NKAIN2: variants seen among roughly 807,000 people sequenced by gnomAD.
NKAIN2 encodes sodium/potassium-transporting ATPase subunit beta-1-interacting protein 2.
In NKAIN2, 14 loss-of-function variants were observed where a neutral mutation model predicts 32.6. The ratio of observed to expected loss-of-function variants is 0.43; its 90% CI spans 0.28 to 0.67. NKAIN2 has a LOEUF of 0.67. Among genes scored for constraint, NKAIN2 ranks in the 30% least tolerant of loss-of-function variants. The pLI, the probability that NKAIN2 is intolerant of heterozygous loss-of-function variation, is 0.17. For synonymous variants in NKAIN2, 80 were observed against 87.2 expected, an observed-to-expected ratio of 0.92 and a Z score of 0.46; for missense variants, 198 against 258.3, an observed-to-expected ratio of 0.77 and a Z score of 1.60.
At chr6:124,240,830 G>A (rs1381757112) in intron 1 of NKAIN2, among the ~76,000 whole-genome samples, 1 of 152,112 alleles carries the variant, frequency 6.6e-6, no homozygotes, top group Non-Finnish European at 1.5e-5. Flanking sequence ...ATGAAAACCA[G>A]CACAAGACAG....
chr6:124,303,025 G>A (rs1352774507), intron 2 of NKAIN2, among the ~76,000 whole-genome samples: 1 of 152,188 alleles, frequency 6.6e-6, no homozygotes, highest in Admixed American at 6.5e-5. Flanking sequence ...TGTGAAGCAG[G>A]CATCTTTGGT....
intron 3 of NKAIN2, among the ~76,000 whole-genome samples, chr6:124,655,429 TATAA>T (rs1194372753): frequency 2.6e-5 from 4 of 152,148 alleles, no homozygotes; most frequent in Non-Finnish European, 5.9e-5. Flanking sequence ...GTAGTTAGGA[TATAA>T]ATAATTAGTA....
At chr6:124,448,953 C>G (rs926098181) in intron 3 of NKAIN2, among the ~76,000 whole-genome samples, 1 of 152,038 alleles carries the variant, frequency 6.6e-6, no homozygotes, top group South Asian at 2.1e-4. Context: ...TGTACGAAAC[C>G]ACTTTTAAGG....
chr6:124,286,642 TTGTGTGTGTGTGTG>T (rs56396833), intron 2 of NKAIN2, among the ~76,000 whole-genome samples: 9,277 of 144,552 alleles, frequency 0.064, 685 homozygotes, highest in African/African-American at 0.19. Context: ...GTTTGGAAAA[TTGTGTGTGTGTGTG>T]TGTGTGTGTG....
chr6:124,369,218 T>G (rs1041148482), intron 3 of NKAIN2, among the ~76,000 whole-genome samples: 2 of 152,204 alleles, frequency 1.3e-5, no homozygotes, highest in African/African-American at 4.8e-5. Context: ...ATAGTAATTT[T>G]TATTCTGTCC....
intron 1 of NKAIN2, among the ~76,000 whole-genome samples, chr6:124,127,263 C>T (rs1786220234): frequency 6.6e-6 from 1 of 152,078 alleles, no homozygotes; most frequent in African/African-American, 2.4e-5. Context: ...ACAACACGAG[C>T]ATGTGTGCAG....
chr6:124,131,276 C>T (rs771385063), intron 1 of NKAIN2, among the ~76,000 whole-genome samples: 4 of 152,106 alleles, frequency 2.6e-5, no homozygotes. Flanking sequence ...TCCTCAGTAG[C>T]TAAGACTATA....
intron 1 of NKAIN2, among the ~76,000 whole-genome samples, chr6:124,194,910 G>C (rs930054562): frequency 6.6e-6 from 1 of 151,416 alleles, no homozygotes; most frequent in Non-Finnish European, 1.5e-5. Flanking sequence ...TTAGATGCCT[G>C]TAAGTCATTG....
intron 1 of NKAIN2, among the ~76,000 whole-genome samples, chr6:123,903,672 G>C (rs1774714983): frequency 6.6e-6 from 1 of 152,148 alleles, no homozygotes; most frequent in Admixed American, 6.5e-5. Flanking sequence ...CAGGTGTACA[G>C]TAAGTTTTCA....
intron 4 of NKAIN2, among the ~76,000 whole-genome samples, chr6:124,662,932 C>T (rs187897765): frequency 7.8e-4 from 119 of 152,188 alleles, no homozygotes; most frequent in African/African-American, 2.4e-3. Flanking sequence ...AAGTTGTGAA[C>T]TTGTGTAGTT....
chr6:123,859,153 A>C (rs909830453), intron 1 of NKAIN2, among the ~76,000 whole-genome samples: 1 of 152,084 alleles, frequency 6.6e-6, no homozygotes, highest in Admixed American at 6.5e-5. Context: ...TTTTTTTGGA[A>C]TGACATAAGA....
At chr6:124,591,484 T>G (rs949028539) in intron 3 of NKAIN2, among the ~76,000 whole-genome samples, 1 of 152,154 alleles carries the variant, frequency 6.6e-6, no homozygotes, top group African/African-American at 2.4e-5. Context: ...TAGAGCCATT[T>G]CTACTCCCTC....
chr6:123,809,741 C>G (rs1305917812), intron 1 of NKAIN2, among the ~76,000 whole-genome samples: 2 of 152,066 alleles, frequency 1.3e-5, no homozygotes, highest in African/African-American at 4.8e-5. Flanking sequence ...AATTATAAAA[C>G]AGGCAGTGGG....
intron 3 of NKAIN2, among the ~76,000 whole-genome samples, chr6:124,478,680 A>G (rs1777329090): frequency 6.6e-6 from 1 of 152,222 alleles, no homozygotes; most frequent in Non-Finnish European, 1.5e-5. Context: ...ATTCTGATAT[A>G]AGTAAATGAT....
At chr6:124,599,544 T>C (rs977244560) in intron 3 of NKAIN2, among the ~76,000 whole-genome samples, 2 of 152,158 alleles carry the variant, frequency 1.3e-5, no homozygotes, top group African/African-American at 2.4e-5. Context: ...GGCAAAGATA[T>C]AGCCGTGATC....
chr6:124,323,777 ATT>A (rs1491556824), intron 2 of NKAIN2, among the ~76,000 whole-genome samples: 52 of 115,504 alleles, frequency 4.5e-4, no homozygotes, highest in South Asian at 1.5e-3. Flanking sequence ...AATTCTTTTA[ATT>A]TTTTCTTTTT....
intron 1 of NKAIN2, among the ~76,000 whole-genome samples, chr6:124,012,334 AT>A (rs36026416): frequency 1.0e-3 from 128 of 123,148 alleles, no homozygotes; most frequent in Admixed American, 1.1e-3. Flanking sequence ...ACTCTACATG[AT>A]TTTTTTTTTT....
intron 1 of NKAIN2, among the ~76,000 whole-genome samples, chr6:124,065,819 A>T (rs1240700554): frequency 6.6e-6 from 1 of 152,148 alleles, no homozygotes; most frequent in African/African-American, 2.4e-5. Context: ...TTCTTTTTAA[A>T]TTCTCACACT....
intron 3 of NKAIN2, among the ~76,000 whole-genome samples, chr6:124,613,670 G>A (rs1194265927): frequency 6.6e-6 from 1 of 152,168 alleles, no homozygotes. Flanking sequence ...TACAGATGGG[G>A]CAGTTAATAA....
Sources: gnomAD v4.1 joint callset for allele counts (sites outside exome capture counted in the v4.1 genomes callset) on GRCh38, gnomAD v4.1.1 for gene constraint, MANE v1.5 for transcripts, NCBI Gene and HGNC (gene_info 2026-07-23, HGNC 2026-07-21) for gene names.